Variants in DCDC2 observed in about 807,000 individuals in gnomAD.
DCDC2 encodes the protein doublecortin domain containing 2.
A neutral mutation model predicts 50.2 loss-of-function variants in DCDC2; 40 were observed. The ratio of observed to expected loss-of-function variants is 0.80; its 90% CI spans 0.62 to 1.04. The LOEUF is 1.04. Among genes scored for constraint, DCDC2 ranks in the 50% least tolerant of loss-of-function variants. The pLI is 0.00. For missense variants in DCDC2, 570 were observed against 581.9 expected (o/e 0.98, Z 0.21); for synonymous variants, 234 against 210.6 (o/e 1.11, Z -0.96).
At chr6:24,302,492 C>A (rs1759400661) in intron 2 of DCDC2, among the ~76,000 whole-genome samples, 2 of 152,064 alleles carry the variant, frequency 1.3e-5, no homozygotes, top group Admixed American at 1.3e-4. Context: ...TGGCCCCCAC[C>A]AAGTGCCTGA....
At chr6:24,195,935 T>TC in intron 8 of DCDC2, among the ~76,000 whole-genome samples, 1 of 152,296 alleles carries the variant, frequency 6.6e-6, no homozygotes, top group South Asian at 2.1e-4. Context: ...TAAAACTTAA[T>TC]CTGCTTCTCA....
chr6:24,249,917 G>C (rs1014391708), intron 7 of DCDC2, among the ~76,000 whole-genome samples: 11 of 152,146 alleles, frequency 7.2e-5, no homozygotes, highest in African/African-American at 2.4e-4. Flanking sequence ...ACTGATTGTA[G>C]TCTAATAGAA....
At chr6:24,223,830 T>C (rs966439816) in intron 7 of DCDC2, among the ~76,000 whole-genome samples, 2 of 152,246 alleles carry the variant, frequency 1.3e-5, no homozygotes, top group African/African-American at 4.8e-5. Flanking sequence ...AAAAGTACAA[T>C]TGATGCAGAG....
intron 6 of DCDC2, among the ~76,000 whole-genome samples, chr6:24,288,243 C>T (rs1274088838): frequency 6.6e-6 from 1 of 152,212 alleles, no homozygotes; most frequent in South Asian, 2.1e-4. Context: ...GGAAGAACTG[C>T]CAAGGCAACG....
chr6:24,322,812 G>A (rs1045841776), intron 2 of DCDC2, among the ~76,000 whole-genome samples: 1 of 152,174 alleles, frequency 6.6e-6, no homozygotes, highest in African/African-American at 2.4e-5. Flanking sequence ...TTTGATTGAT[G>A]TCTCATGCCT....
rs772112732 is a variant in DCDC2 at position 24,191,487 on chromosome 6, T to C, written c.1024-12855A>G. On this transcript the variant is annotated intron_variant, in intron 8 of 9. Coordinates refer to ENST00000378454, the MANE Select transcript of DCDC2 (RefSeq NM_016356.5). ...GATCCCAGGGACAGGTCAAAAAACA[T>C]AAATTTATAATTGAAAACAGATGAT... is the stretch of plus-strand genomic sequence containing the variant. 2.8e-4 allele frequency among the ~76,000 whole-genome samples: 43 copies of C among 152,172 alleles called. 1 individual carries two copies. The highest frequency in any genetic ancestry group is 5.3e-4 in the Non-Finnish European group (36 of 68,024).
intron 7 of DCDC2, among the ~76,000 whole-genome samples, chr6:24,250,493 T>C (rs1762774024): frequency 6.6e-6 from 1 of 152,152 alleles, no homozygotes. Flanking sequence ...CAATGAAAAA[T>C]ATGTTCTGAA....
chr6:24,201,559 T>G (rs778839973), intron 8 of DCDC2, among the ~76,000 whole-genome samples: 1 of 152,142 alleles, frequency 6.6e-6, no homozygotes, highest in African/African-American at 2.4e-5. Context: ...AGAAAAGATC[T>G]AAAATCTATA....
intron 7 of DCDC2, among the ~76,000 whole-genome samples, chr6:24,237,834 C>T (rs2113788423): frequency 1.3e-5 from 2 of 152,068 alleles, no homozygotes; most frequent in Middle Eastern, 3.4e-3. Context: ...AAACCATAAA[C>T]CACTTATTCT....
chr6:24,343,374 T>C (rs1451889771), intron 2 of DCDC2, among the ~76,000 whole-genome samples: 1 of 152,194 alleles, frequency 6.6e-6, no homozygotes, highest in East Asian at 1.9e-4. Flanking sequence ...AAATGTAAAA[T>C]CATGCATGAG....
chr6:24,177,462 T>C (rs1317238375), intron 9 of DCDC2, among the ~76,000 whole-genome samples: 1 of 152,142 alleles, frequency 6.6e-6, no homozygotes, highest in Non-Finnish European at 1.5e-5. Context: ...TAGTGGGTAT[T>C]AGGAATGAGT....
chr6:24,357,625 G>C lies in DCDC2; in HGVS notation c.126C>G (p.Ser42=), dbSNP rs750478693. The change falls in exon 1 of 10, where the codon TCC becomes TCG. Residue 42 remains serine, a synonymous_variant. Coordinates refer to ENST00000378454, the MANE Select transcript of DCDC2 (RefSeq NM_016356.5). ...CCTCCTTCAGGAAGACTTCGAAGCT[G>C]GACACCTTCTTCTCATGGATGACGA... The part of the protein sequence containing the change: ...RRVVIHEKKV[S]SFEVFLKEVT... The C allele has an allele frequency of 6.2e-7, 1 of 1,613,500 alleles. No homozygotes were observed. Among genetic ancestry groups the C allele is most frequent in the Non-Finnish European group, 8.5e-7 (1 of 1,180,044 alleles).
At chr6:24,273,029 C>A (rs1355381073) in intron 7 of DCDC2, among the ~76,000 whole-genome samples, 1 of 150,054 alleles carries the variant, frequency 6.7e-6, no homozygotes, top group Non-Finnish European at 1.5e-5. Context: ...CACACACACA[C>A]ACACTTTGTG....
Position 24,341,947 on chromosome 6 carries a change from T to TAC in DCDC2, c.348+11620_348+11621dup, listed in dbSNP as rs10540083. 2.5e-3 allele frequency among the ~76,000 whole-genome samples: 372 copies of TAC among 151,728 alleles called. 2 individuals are homozygous for TAC. Among genetic ancestry groups the TAC allele is most frequent in the African/African-American group, 7.1e-3 (295 of 41,384 alleles). On this transcript the variant is annotated intron_variant, in intron 2 of 9. Transcript: ENST00000378454. ...GAGGGCGCACGCATGTGTGCACGCGTACACACACACACACACACAAACACA... is the reference window on the plus strand; with the variant it reads ...GAGGGCGCACGCATGTGTGCACGCGTACACACACACACACACACACAAACACA...
At chr6:24,201,340 T>C (rs1292564800) in intron 8 of DCDC2, among the ~76,000 whole-genome samples, 1 of 152,154 alleles carries the variant, frequency 6.6e-6, no homozygotes, top group Non-Finnish European at 1.5e-5. Context: ...GAACTCAGAA[T>C]TAAGGAACTC....
intron 4 of DCDC2, among the ~76,000 whole-genome samples, chr6:24,301,066 G>A (rs555603159): frequency 4.3e-4 from 58 of 136,366 alleles, no homozygotes; most frequent in Non-Finnish European, 7.6e-4. Flanking sequence ...AAAAAAAAAC[G>A]GACAATTAAG....
intron 7 of DCDC2, among the ~76,000 whole-genome samples, chr6:24,222,245 T>C (rs1225068789): frequency 2.0e-5 from 3 of 152,184 alleles, no homozygotes; most frequent in African/African-American, 7.2e-5. Flanking sequence ...TGTGATGAGT[T>C]TGAGTCTAGC....
intron 2 of DCDC2, among the ~76,000 whole-genome samples, chr6:24,341,909 A>G (rs1162808840): frequency 1.3e-5 from 2 of 151,608 alleles, no homozygotes; most frequent in Admixed American, 1.3e-4. Context: ...TTCCCCAACA[A>G]TCAGACATGT....
chr6:24,349,525 T>C (rs1367453713), intron 2 of DCDC2, among the ~76,000 whole-genome samples: 1 of 152,068 alleles, frequency 6.6e-6, no homozygotes, highest in African/African-American at 2.4e-5. Flanking sequence ...GGTCTCCAAC[T>C]GCATGAGGAC....
Sources: gnomAD v4.1 joint callset for allele counts (sites outside exome capture counted in the v4.1 genomes callset) on GRCh38, gnomAD v4.1.1 for gene constraint, MANE v1.5 for transcripts, NCBI Gene and HGNC (gene_info 2026-07-23, HGNC 2026-07-21) for gene names.